The following TMEM163 variants were observed in gnomAD, a reference collection of about 807,000 sequenced individuals.
TMEM163 encodes transmembrane protein 163.
Under a neutral mutation model 29.3 loss-of-function variants are expected in TMEM163, and 17 were observed. The observed-to-expected ratio is 0.58, with a 90% CI of 0.40 to 0.87. The LOEUF (loss-of-function observed/expected upper bound fraction) is 0.87, where lower values mean the gene tolerates loss of function less well. Ranked by LOEUF, TMEM163 falls within the 40% of genes least tolerant of loss-of-function variation. TMEM163 has a pLI of 0.00. For synonymous variants in TMEM163, 157 were observed against 160.6 expected, an observed-to-expected ratio of 0.98 and a Z score of 0.17; for missense variants, 303 against 381.5, an observed-to-expected ratio of 0.79 and a Z score of 1.71.
chr2:134,470,240 C>T lies in TMEM163; in HGVS notation c.556-4015G>A, dbSNP rs1686768231. Among the ~76,000 whole-genome samples the T allele has an allele frequency of 1.3e-5, 2 of 151,912 alleles. 1 individual carries two copies. The highest frequency in any genetic ancestry group is 4.8e-5 in the African/African-American group (2 of 41,350). ...GGCGCGGTGGCGGGCGCCTGTAGTCCTAGCTACTCGGGAGGCTGAGGCAGG... is the reference window on the plus strand; with the variant it reads ...GGCGCGGTGGCGGGCGCCTGTAGTCTTAGCTACTCGGGAGGCTGAGGCAGG... On this transcript the variant is annotated intron_variant, in intron 5 of 7. Coordinates refer to ENST00000281924, the MANE Select transcript of TMEM163 (RefSeq NM_030923.5).
intron 2 of TMEM163, among the ~76,000 whole-genome samples, chr2:134,563,852 C>T (rs1040914242): frequency 6.6e-6 from 1 of 152,212 alleles, no homozygotes; most frequent in Non-Finnish European, 1.5e-5. Flanking sequence ...GTCAGGAGTT[C>T]GAGACCAACC....
intron 5 of TMEM163, among the ~76,000 whole-genome samples, chr2:134,500,155 A>G (rs1679667840): frequency 6.6e-6 from 1 of 152,318 alleles, no homozygotes; most frequent in Admixed American, 6.5e-5. Flanking sequence ...GTTGCCACAG[A>G]CCTGGTCAGT....
In TMEM163 at chr2:134,460,120, T is replaced by C. The variant is rs537707905; in HGVS notation, c.668-1947A>G. On this transcript the variant is annotated intron_variant, in intron 6 of 7. Transcript: ENST00000281924. The surrounding 1 kb of genome is among the most constrained non-coding windows in gnomAD (Gnocchi z 4.3). The stretch of plus-strand genomic sequence containing the variant: ...TCACTCTCCCCGCTGATCCCTGCTC[T>C]GTCCTGGCCACCTGTGGCCCTCCCT... 8.2e-6 allele frequency among the ~76,000 whole-genome samples: 1 copy of C among 122,624 alleles called. No individual in the cohort carries two copies. Among genetic ancestry groups the C allele is most frequent in the African/African-American group, 3.2e-5 (1 of 31,250 alleles). 80.4% of individuals were successfully genotyped at this position (122,624 alleles called of 152,430 possible).
chr2:134,559,798 G>C (rs913029836), intron 2 of TMEM163, among the ~76,000 whole-genome samples: 2 of 152,172 alleles, frequency 1.3e-5, no homozygotes, highest in Non-Finnish European at 2.9e-5. Flanking sequence ...GGTAGGGAGT[G>C]CCTTTTGCTA....
At chr2:134,485,951 C>T (rs1304632446) in intron 5 of TMEM163, among the ~76,000 whole-genome samples, 3 of 152,128 alleles carry the variant, frequency 2.0e-5, no homozygotes, top group Non-Finnish European at 4.4e-5. Flanking sequence ...ACACCTGTGG[C>T]CTGCTCCATG....
chr2:134,653,123 AC>A (rs1336538701), intron 2 of TMEM163, among the ~76,000 whole-genome samples: 1 of 94,936 alleles, frequency 1.1e-5, no homozygotes, highest in East Asian at 2.6e-4. Flanking sequence ...AAGGAATGGT[AC>A]CAGTTCCTCC....
intron 4 of TMEM163, among the ~76,000 whole-genome samples, chr2:134,543,328 G>T (rs750497322): frequency 6.6e-6 from 1 of 152,170 alleles, no homozygotes; most frequent in Non-Finnish European, 1.5e-5. Flanking sequence ...TCCACCTTCT[G>T]CCTTAACTCT....
At chr2:134,574,494 A>G (rs1168328050) in intron 2 of TMEM163, among the ~76,000 whole-genome samples, 1 of 152,182 alleles carries the variant, frequency 6.6e-6, no homozygotes, top group African/African-American at 2.4e-5. Context: ...CAGGAGGTGC[A>G]GGTTGCAGTG....
At position 134,710,423 on chromosome 2, in the gene TMEM163, A is replaced by G. The variant is rs187887003; in HGVS notation, c.322+2777T>C. On this transcript the variant is annotated intron_variant, in intron 2 of 7. Transcript: ENST00000281924. The stretch of plus-strand genomic sequence containing the variant: ...AAAATCAGTAACTATGATTAAATAA[A>G]TAGAAAATGGCAGCTGAGGAGGTGA... Among the ~76,000 whole-genome samples, 330 of 152,310 alleles carry G rather than the reference A, an allele frequency of 2.2e-3. 2 individuals carry two copies. Among genetic ancestry groups the G allele is most frequent in the African/African-American group, 7.5e-3 (310 of 41,554 alleles).
chr2:134,565,467 G>A (rs1438873411), intron 2 of TMEM163, among the ~76,000 whole-genome samples: 3 of 152,030 alleles, frequency 2.0e-5, no homozygotes, highest in Non-Finnish European at 4.4e-5. Flanking sequence ...TTAGCCAGGC[G>A]TGGTGGCAGG....
Position 134,460,769 on chromosome 2 carries a change from G to C in TMEM163, c.668-2596C>G, listed in dbSNP as rs1686517673. Among the ~76,000 whole-genome samples the C allele has an allele frequency of 6.6e-6, 1 of 152,192 alleles. No individual in the cohort carries two copies. The highest frequency in any genetic ancestry group is 2.4e-5 in the African/African-American group (1 of 41,440). On this transcript the variant is annotated intron_variant, in intron 6 of 7. Coordinates refer to ENST00000281924, the MANE Select transcript of TMEM163 (RefSeq NM_030923.5). This position sits in a 1 kb window ranked among gnomAD's most constrained non-coding sequence, Gnocchi z 4.3. ...GCCAGCCAGCACCAAGGCCGGCCCAGCTTGCTATTCCTGACAGCAGGTCCA... is the reference window on the plus strand; with the variant it reads ...GCCAGCCAGCACCAAGGCCGGCCCACCTTGCTATTCCTGACAGCAGGTCCA...
chr2:134,665,725 C>T (rs1683859978), intron 2 of TMEM163, among the ~76,000 whole-genome samples: 1 of 152,162 alleles, frequency 6.6e-6, no homozygotes, highest in Non-Finnish European at 1.5e-5. Context: ...TCCAACCCTG[C>T]CTCTACTGAT....
At chr2:134,498,289 C>G (rs145258326) in intron 5 of TMEM163, among the ~76,000 whole-genome samples, 201 of 152,190 alleles carry the variant, frequency 1.3e-3, no homozygotes, top group African/African-American at 4.6e-3. Context: ...ACGCATCCCC[C>G]CTTCTCCTCA....
At position 134,708,603 on chromosome 2, in the gene TMEM163, T is replaced by C. The variant is rs1419277747; in HGVS notation, c.322+4597A>G. On this transcript the variant is annotated intron_variant, in intron 2 of 7. Transcript: ENST00000281924. ...ATTTATTTATTTTTATTTTTATTTTTTGAGACAGAGTCTTGCTCTGTCACC... is the reference window on the plus strand; with the variant it reads ...ATTTATTTATTTTTATTTTTATTTTCTGAGACAGAGTCTTGCTCTGTCACC... Among the ~76,000 whole-genome samples, 4 of 151,980 alleles carry C rather than the reference T, an allele frequency of 2.6e-5. No individual in the cohort carries two copies. The East Asian group carries it at 7.7e-4, about 29-fold the overall frequency.
At chr2:134,496,308 C>T (rs185083759) in intron 5 of TMEM163, among the ~76,000 whole-genome samples, 4,035 of 152,200 alleles carry the variant, frequency 0.027, 100 homozygotes, top group South Asian at 0.073. Flanking sequence ...GTGATCTGCC[C>T]GCCTCGGCCT....
intron 5 of TMEM163, among the ~76,000 whole-genome samples, chr2:134,500,455 T>C (rs955007936): frequency 1.5e-4 from 23 of 152,314 alleles, no homozygotes; most frequent in Admixed American, 1.2e-3. Flanking sequence ...CTCACACAGC[T>C]TGAAAGCTCC....
chr2:134,526,460 G>A (rs1056374932), intron 4 of TMEM163, among the ~76,000 whole-genome samples: 1 of 152,084 alleles, frequency 6.6e-6, no homozygotes, highest in Non-Finnish European at 1.5e-5. Context: ...AATCGGAGAA[G>A]GTTTCACAGA....
intron 2 of TMEM163, among the ~76,000 whole-genome samples, chr2:134,576,653 A>G (rs917803843): frequency 1.3e-5 from 2 of 152,206 alleles, no homozygotes; most frequent in African/African-American, 4.8e-5. Context: ...AGTCTCTGTT[A>G]CAAAGCTGAA....
Position 134,713,253 on chromosome 2 carries a change from C to T in TMEM163, c.269G>A (p.Trp90Ter). Reference protein sequence around the residue: ...EAQNYRKKALWVSWFSIIVTL... With the variant: ...EAQNYRKKAL ...GACAATGATGGAGAACCAGGACACC[C>T]ACAATGCCTTCTTCCTGTAGTTCTG... Residue 90 changes from tryptophan (W) to a stop codon, truncating the protein, a stop_gained, in exon 2 of 8, where the codon TGG becomes TAG. Coordinates refer to ENST00000281924, the MANE Select transcript of TMEM163 (RefSeq NM_030923.5). LOFTEE classifies it high-confidence loss of function. 1.2e-6 allele frequency: 2 copies of T among 1,614,154 alleles called. No individual in the cohort carries two copies. The highest frequency in any genetic ancestry group is 1.7e-6 in the Non-Finnish European group (2 of 1,180,024).
Sources: allele counts gnomAD v4.1 joint callset (sites outside exome capture counted in the v4.1 genomes callset), GRCh38; gene constraint gnomAD v4.1.1; non-coding constraint Gnocchi (gnomAD v3.1); transcripts MANE v1.5; gene names NCBI Gene and HGNC (gene_info 2026-07-23, HGNC 2026-07-21).